STK24: variants seen among roughly 807,000 people sequenced by gnomAD.
STK24 encodes serine/threonine-protein kinase 24.
STK24 carries 21 observed loss-of-function variants against 55.6 expected under a neutral mutation model. That is an observed-to-expected ratio of 0.38 (90% CI 0.27 to 0.54). The LOEUF is 0.54. STK24 is among the 20% of genes least tolerant of loss of function. The pLI is 0.79. For missense variants in STK24, 383 were observed against 538.4 expected, an observed-to-expected ratio of 0.71 and a Z score of 2.86; for synonymous variants, 200 against 215.2, an observed-to-expected ratio of 0.93 and a Z score of 0.62.
At chr13:98,574,769 A>G (rs1348480926) in intron 1 of STK24, among the ~76,000 whole-genome samples, 1 of 152,244 alleles carries the variant, frequency 6.6e-6, no homozygotes, top group Admixed American at 6.5e-5. Context: ...ACAACCTAAC[A>G]GATACATAAT....
chr13:98,454,810 C>A (rs1681806940), intron 10 of STK24: 1 of 152,184 alleles, frequency 6.6e-6, no homozygotes, highest in Non-Finnish European at 1.5e-5. Context: ...CACAGCCAAG[C>A]CTGCAGAGAG....
chr13:98,513,657 C>A (rs1209928662), intron 2 of STK24, among the ~76,000 whole-genome samples: 1 of 152,070 alleles, frequency 6.6e-6, no homozygotes, highest in East Asian at 1.9e-4. Flanking sequence ...TTCTTCTGGG[C>A]CCTTTCAATT....
chr13:98,574,570 C>CGAA (rs1195579504), intron 1 of STK24, among the ~76,000 whole-genome samples: 1 of 151,998 alleles, frequency 6.6e-6, no homozygotes, highest in Non-Finnish European at 1.5e-5. Flanking sequence ...AATGTTCTTC[C>CGAA]CCAAATGATA....
intron 4 of STK24, 110 bp from the exon 5 acceptor site, chr13:98,475,088 C>A: frequency 6.9e-7 from 1 of 1,457,300 alleles, no homozygotes; most frequent in South Asian, 1.4e-5. Context: ...AGCACAGGCA[C>A]CGGGGCTACA....
At chr13:98,478,820 T>C (rs1894479900) in intron 3 of STK24, among the ~76,000 whole-genome samples, 1 of 151,820 alleles carries the variant, frequency 6.6e-6, no homozygotes, top group East Asian at 1.9e-4. Context: ...GGCTGATCTT[T>C]TAATCAGCTA....
At chr13:98,479,281 CATTTT>C (rs1894499986) in intron 3 of STK24, among the ~76,000 whole-genome samples, 1 of 152,288 alleles carries the variant, frequency 6.6e-6, no homozygotes. Flanking sequence ...TTCCATTTAC[CATTTT>C]ATTTTAAATT....
rs1046700461 is a variant in STK24, at chr13:98,576,173, G to A, written c.42+572C>T. 5.1e-6 allele frequency: 5 copies of A among 985,158 alleles called. No homozygotes were observed. The African/African-American group carries it at 8.7e-5, about 17-fold the overall frequency. 61.0% of individuals were successfully genotyped at this position (985,158 alleles called of 1,614,324 possible). On this transcript the variant is annotated intron_variant, in intron 1 of 10. Coordinates refer to ENST00000539966, the MANE Select transcript of STK24 (RefSeq NM_001032296.4). ...GTCCGCAGGTGCACGGGGGCTCCGG[G>A]CAAAGCCACTGCAAGTGGAACTCGC... is the stretch of plus-strand genomic sequence containing the variant.
chr13:98,476,248 C>T (rs1894370592), intron 3 of STK24, among the ~76,000 whole-genome samples: 1 of 147,068 alleles, frequency 6.8e-6, no homozygotes, highest in East Asian at 2.0e-4. Context: ...AAGCCCCCCC[C>T]CGCCCCCTGC....
intron 3 of STK24, among the ~76,000 whole-genome samples, chr13:98,479,013 C>T (rs1894488622): frequency 6.6e-6 from 1 of 152,212 alleles, no homozygotes; most frequent in African/African-American, 2.4e-5. Context: ...CGGCAATAAT[C>T]CCCAATGGCC....
chr13:98,454,132 C>G (rs1324363729), intron 10 of STK24: 1 of 152,200 alleles, frequency 6.6e-6, no homozygotes, highest in African/African-American at 2.4e-5. Context: ...AAAAAATCTT[C>G]TTTGCACTAT....
chr13:98,496,271 C>T (rs1014571141), intron 2 of STK24, among the ~76,000 whole-genome samples: 40 of 152,216 alleles, frequency 2.6e-4, no homozygotes, highest in South Asian at 2.1e-4. Flanking sequence ...CAACCCTTGG[C>T]GAGGCAGCAA....
intron 1 of STK24, among the ~76,000 whole-genome samples, chr13:98,534,542 G>A (rs1048249814): frequency 3.9e-5 from 6 of 152,278 alleles, no homozygotes; most frequent in African/African-American, 1.4e-4. Context: ...ATGGTTTAGG[G>A]GTCACGCAGG....
intron 2 of STK24, among the ~76,000 whole-genome samples, chr13:98,488,969 T>C (rs967273460): frequency 6.6e-6 from 1 of 152,220 alleles, no homozygotes; most frequent in African/African-American, 2.4e-5. Flanking sequence ...GTATAAACAA[T>C]GCAGCGGGCT....
chr13:98,571,077 G>A (rs957384293), intron 1 of STK24, among the ~76,000 whole-genome samples: 3 of 152,330 alleles, frequency 2.0e-5, no homozygotes, highest in South Asian at 2.1e-4. Context: ...ATCATCGGGA[G>A]TAATCGCCCA....
At chr13:98,527,407 G>A (rs1207850421) in intron 1 of STK24, among the ~76,000 whole-genome samples, 1 of 152,228 alleles carries the variant, frequency 6.6e-6, no homozygotes, top group Non-Finnish European at 1.5e-5. Context: ...AATTAGAGCG[G>A]TGGGAACATG....
chr13:98,480,360 A>G (rs1894536623), intron 3 of STK24, among the ~76,000 whole-genome samples: 1 of 152,260 alleles, frequency 6.6e-6, no homozygotes, highest in Non-Finnish European at 1.5e-5. Context: ...AACTTCGTAT[A>G]TGCTACAAAT....
At chr13:98,493,604 C>T (rs904613018) in intron 2 of STK24, among the ~76,000 whole-genome samples, 2 of 152,062 alleles carry the variant, frequency 1.3e-5, no homozygotes, top group South Asian at 2.1e-4. Context: ...GCTAGTAACA[C>T]GTGTTCTTTC....
intron 1 of STK24, among the ~76,000 whole-genome samples, chr13:98,534,607 T>C (rs1416524178): frequency 6.6e-6 from 1 of 152,184 alleles, no homozygotes; most frequent in Non-Finnish European, 1.5e-5. Context: ...ATAAGATCAC[T>C]GTTGTAAAAA....
Position 98,448,154 on chromosome 13 carries a change from G to GTGTTTC in STK24, c.*5013_*5018dup. The GTGTTTC allele has an allele frequency of 8.3e-7, 1 of 1,207,154 alleles. No homozygotes were observed. Among genetic ancestry groups the GTGTTTC allele is most frequent in the Non-Finnish European group, 1.2e-6 (1 of 811,736 alleles). The allele number at this position is 1,207,154 out of a possible 1,614,324, so 74.8% of individuals were successfully genotyped here. ...CAACCAGGCGGCCTGACTTCACCTTGTGTTTCTGTAAGCGATGCCCACCAA... is the reference window on the plus strand; with the variant it reads ...CAACCAGGCGGCCTGACTTCACCTTGTGTTTCTGTTTCTGTAAGCGATGCCCACCAA... On this transcript the variant is annotated 3_prime_UTR_variant, in exon 11 of 11. Transcript: ENST00000539966.
Sources: gnomAD v4.1 joint callset for allele counts (sites outside exome capture counted in the v4.1 genomes callset) on GRCh38, gnomAD v4.1.1 for gene constraint, MANE v1.5 for transcripts, NCBI Gene and HGNC (gene_info 2026-07-23, HGNC 2026-07-21) for gene names.